Variants in TGM6 observed in about 807,000 individuals in gnomAD.
The protein encoded by TGM6 is protein-glutamine gamma-glutamyltransferase 6.
TGM6 carries 74 observed loss-of-function variants against 77.5 expected under a neutral mutation model. That is an observed-to-expected ratio of 0.96 (90% CI 0.79 to 1.16). TGM6 has a LOEUF of 1.16. Among genes scored for constraint, TGM6 ranks in the 50% most tolerant of loss-of-function variants. The pLI is 0.00. For missense variants in TGM6, 968 were observed against 940.2 expected (o/e 1.03, Z -0.39); for synonymous variants, 383 against 378.9 (o/e 1.01, Z -0.12).
At chr20:2,389,229 A>G (rs1220739595) in intron 1 of TGM6, among the ~76,000 whole-genome samples, 2 of 152,184 alleles carry the variant, frequency 1.3e-5, no homozygotes, top group Non-Finnish European at 2.9e-5. Context: ...GGAAAGATCC[A>G]CATGGAAAGG....
chr20:2,397,833 G>A, intron 4 of TGM6, 85 bp from the exon 5 acceptor site: 3 of 1,611,064 alleles, frequency 1.9e-6, no homozygotes, highest in Non-Finnish European at 2.5e-6. Context: ...CACAGATGGG[G>A]TGACTGACCG....
At chr20:2,403,161 T>G (rs545994508) in intron 7 of TGM6, among the ~76,000 whole-genome samples, 1 of 152,372 alleles carries the variant, frequency 6.6e-6, no homozygotes, top group African/African-American at 2.4e-5. Flanking sequence ...TTAGTTGCAG[T>G]ACCTTGAACA....
At chr20:2,391,062 G>A (rs2084626290) in intron 1 of TGM6, among the ~76,000 whole-genome samples, 1 of 151,978 alleles carries the variant, frequency 6.6e-6, no homozygotes, top group South Asian at 2.1e-4. Flanking sequence ...TGGAGAGCTT[G>A]AGAACAACGA....
chr20:2,399,683 G>A lies in TGM6; in HGVS notation c.795G>A (p.Arg265=), dbSNP rs754886535. The change falls in exon 6 of 13, where the codon AGG becomes AGA. Residue 265 remains arginine (R), a synonymous_variant. Coordinates refer to ENST00000202625, the MANE Select transcript of TGM6 (RefSeq NM_198994.3). ...TTCTGCAGAAGTGGCTCAAGGGCAGGTACAAGCCAGTCAAGTACGGCCAGT... is the reference window on the plus strand; with the variant it reads ...TTCTGCAGAAGTGGCTCAAGGGCAGATACAAGCCAGTCAAGTACGGCCAGT... ...VAILQKWLKG[R]YKPVKYGQCW... is the part of the protein sequence containing the mutation. 9.9e-6 allele frequency: 16 copies of A among 1,613,684 alleles called. No homozygotes were observed. Among genetic ancestry groups the A allele is most frequent in the Non-Finnish European group, 9.3e-6 (11 of 1,179,938 alleles).
chr20:2,395,553 C>T (rs1485239247), intron 3 of TGM6, 117 bp downstream of exon 3: 5 of 1,576,756 alleles, frequency 3.2e-6, no homozygotes, highest in Non-Finnish European at 4.3e-6. Flanking sequence ...ATGCCAAGAG[C>T]TGGGCAAGAA....
At chr20:2,386,793 T>C (rs1428143715) in intron 1 of TGM6, among the ~76,000 whole-genome samples, 2 of 151,978 alleles carry the variant, frequency 1.3e-5, no homozygotes, top group Non-Finnish European at 2.9e-5. Flanking sequence ...GGAGCTGCTT[T>C]GGGCTGTGGC....
rs530838186 is a variant in TGM6, at chr20:2,393,591, T to C, written c.8-861T>C. Among the ~76,000 whole-genome samples, 247 of 152,274 alleles carry C rather than the reference T, an allele frequency of 1.6e-3. 1 individual carries two copies. The highest frequency in any genetic ancestry group is 3.4e-3 in the Middle Eastern group (1 of 294). ...CTCTGTGGCCCAGGCTAGAGTGCAGTGGTGCAATCTGAGCTCACGGCAACT... is the reference window on the plus strand; with the variant it reads ...CTCTGTGGCCCAGGCTAGAGTGCAGCGGTGCAATCTGAGCTCACGGCAACT... On this transcript the variant is annotated intron_variant, in intron 1 of 12. Transcript: ENST00000202625.
intron 1 of TGM6, among the ~76,000 whole-genome samples, chr20:2,383,294 G>A (rs1462311083): frequency 6.6e-6 from 1 of 152,222 alleles, no homozygotes; most frequent in Non-Finnish European, 1.5e-5. Flanking sequence ...CAAAGAATTG[G>A]GGAGGATTGT....
At chr20:2,396,471 C>T (rs2122351595) in intron 3 of TGM6, 35 bp from the exon 4 acceptor site, 2 of 1,604,208 alleles carry the variant, frequency 1.2e-6, no homozygotes, top group South Asian at 2.2e-5. Flanking sequence ...AGGCCAGAGC[C>T]CCAGTCCACA....
chr20:2,401,407 C>T (rs570935326), intron 7 of TGM6, among the ~76,000 whole-genome samples: 4 of 152,324 alleles, frequency 2.6e-5, no homozygotes, highest in South Asian at 2.1e-4. Context: ...TCTGCAGACA[C>T]GAGCACATAC....
At position 2,395,376 on chromosome 20, in the gene TGM6, C is replaced by T. The variant is rs145445566; in HGVS notation, c.364C>T (p.Arg122Cys). The change falls in exon 3 of 13, where the codon CGC becomes TGC. Residue 122 changes from arginine to cysteine, a missense_variant. Transcript: ENST00000202625. ...YLLSIRLSSHRKHSNRRLGEF... is the reference protein window; with the variant it reads ...YLLSIRLSSHCKHSNRRLGEF... ...GCTGAGCATCAGGCTTTCCTCTCAC[C>T]GCAAACACAGCAACCGGAGGCTGGG... is the stretch of plus-strand genomic sequence containing the variant. 18 of 1,614,146 alleles carry T rather than the reference C, an allele frequency of 1.1e-5. No individual in the cohort carries two copies. The highest frequency in any genetic ancestry group is 1.6e-4 in the Middle Eastern group (1 of 6,084).
intron 6 of TGM6, among the ~76,000 whole-genome samples, chr20:2,399,979 C>T (rs2084695313): frequency 6.6e-6 from 1 of 152,168 alleles, no homozygotes; most frequent in African/African-American, 2.4e-5. Context: ...TGGGCGAGCC[C>T]TGCGGCTCCC....
chr20:2,392,485 C>T (rs2084635678), intron 1 of TGM6, among the ~76,000 whole-genome samples: 2 of 152,126 alleles, frequency 1.3e-5, no homozygotes, highest in Non-Finnish European at 2.9e-5. Flanking sequence ...TAGGTGTCAC[C>T]CCTGGAACAT....
rs750460972 is a variant in TGM6 at position 2,399,734 on chromosome 20, C to T, written c.846C>T (p.Cys282=). 5 of 1,613,552 alleles carry T rather than the reference C, an allele frequency of 3.1e-6. No individual in the cohort carries two copies. ...GQCWVFAGVL[C]TVLRCLGIAT... ...GCTGGGTCTTCGCCGGAGTCCTGTGCACAGGTACCCTGGGAGAGAAGGGCC... is the reference window on the plus strand; with the variant it reads ...GCTGGGTCTTCGCCGGAGTCCTGTGTACAGGTACCCTGGGAGAGAAGGGCC... Residue 282 remains cysteine, a synonymous_variant, in exon 6 of 13, where the codon TGC becomes TGT. Coordinates refer to ENST00000202625, the MANE Select transcript of TGM6 (RefSeq NM_198994.3).
chr20:2,381,686 G>A (rs1351596146), intron 1 of TGM6, among the ~76,000 whole-genome samples: 1 of 152,184 alleles, frequency 6.6e-6, no homozygotes, highest in Non-Finnish European at 1.5e-5. Flanking sequence ...GGAGGCTGAA[G>A]GGGGTGGAAT....
rs1008986784 is a variant in TGM6, at chr20:2,399,046, T to A, written c.673-515T>A. 6.6e-5 allele frequency among the ~76,000 whole-genome samples: 10 copies of A among 150,902 alleles called. 1 individual carries two copies. The East Asian group carries it at 2.0e-3, about 29-fold the overall frequency. ...AAGTCCTGAACTCAAGGCTCCCAAG[T>A]CCAAGTCCTAGACTCATGGATCACC... is the stretch of plus-strand genomic sequence containing the variant. On this transcript the variant is annotated intron_variant, in intron 5 of 12. Transcript: ENST00000202625.
At chr20:2,429,888 G>C (rs1183850841) in intron 10 of TGM6, among the ~76,000 whole-genome samples, 1 of 152,228 alleles carries the variant, frequency 6.6e-6, no homozygotes, top group Non-Finnish European at 1.5e-5. Context: ...GGAGCTCAGA[G>C]AGCATGAGAG....
At chr20:2,414,933 T>A (rs2084804909) in intron 9 of TGM6, among the ~76,000 whole-genome samples, 1 of 70,802 alleles carries the variant, frequency 1.4e-5, no homozygotes, top group East Asian at 5.9e-4. Flanking sequence ...GTTACAGAAT[T>A]TGGGGGGGGG....
chr20:2,417,510 A>AC lies in TGM6; in HGVS notation c.1618dup (p.Arg540ProfsTer10). On this transcript the variant is annotated frameshift_variant, in exon 10 of 13. Coordinates refer to ENST00000202625, the MANE Select transcript of TGM6 (RefSeq NM_198994.3). LOFTEE classifies it high-confidence loss of function. ...CCTGAGCGGTGCCACCATCCTCTAT[A>AC]CCCGCAAGCCAGTGGCAGAGATCCT... The AC allele has an allele frequency of 6.3e-7, 1 of 1,599,954 alleles. No homozygotes were observed. The highest frequency in any genetic ancestry group is 8.5e-7 in the Non-Finnish European group (1 of 1,177,674).
Sources: gnomAD v4.1 joint callset for allele counts (sites outside exome capture counted in the v4.1 genomes callset) on GRCh38, gnomAD v4.1.1 for gene constraint, MANE v1.5 for transcripts, NCBI Gene and HGNC (gene_info 2026-07-23, HGNC 2026-07-21) for gene names.